LDB2: variants seen among roughly 807,000 people sequenced by gnomAD.
LDB2 encodes LIM domain-binding protein 2.
In LDB2, 12 loss-of-function variants were observed where a neutral mutation model predicts 44.3. The ratio of observed to expected loss-of-function variants is 0.27; its 90% CI spans 0.17 to 0.44. The LOEUF (loss-of-function observed/expected upper bound fraction) is 0.44. Among genes scored for constraint, LDB2 ranks in the 20% least tolerant of loss-of-function variants. The pLI is 1.00. For missense variants in LDB2, 344 were observed against 473.5 expected, an observed-to-expected ratio of 0.73 and a Z score of 2.54; for synonymous variants, 164 against 174.8, an observed-to-expected ratio of 0.94 and a Z score of 0.49.
At chr4:16,608,921 T>A (rs1724761536) in intron 2 of LDB2, among the ~76,000 whole-genome samples, 1 of 152,194 alleles carries the variant, frequency 6.6e-6, no homozygotes, top group African/African-American at 2.4e-5. Context: ...TCTTCTGTCA[T>A]TATTAAAAAC....
At chr4:16,505,610 TC>T (rs1393384359) in intron 7 of LDB2, among the ~76,000 whole-genome samples, 2 of 151,256 alleles carry the variant, frequency 1.3e-5, no homozygotes, top group Non-Finnish European at 1.5e-5. Flanking sequence ...TAGCAACATT[TC>T]CCCCCCATTT....
chr4:16,587,370 A>G (rs1287202401), intron 4 of LDB2, among the ~76,000 whole-genome samples: 2 of 152,212 alleles, frequency 1.3e-5, no homozygotes, highest in African/African-American at 4.8e-5. Context: ...AAGCACAGAG[A>G]TGTCACATCA....
At chr4:16,624,774 G>A (rs1367553422) in intron 2 of LDB2, among the ~76,000 whole-genome samples, 1 of 152,130 alleles carries the variant, frequency 6.6e-6, no homozygotes, top group Non-Finnish European at 1.5e-5. Context: ...TTATAAATGA[G>A]CAATGAAAGT....
intron 2 of LDB2, among the ~76,000 whole-genome samples, chr4:16,755,529 G>GTGTGT (rs1766419472): frequency 1.2e-4 from 3 of 24,026 alleles, no homozygotes; most frequent in African/African-American, 3.4e-4. Context: ...GTGTGTATGT[G>GTGTGT]AGAGAGAGAG....
chr4:16,793,030 T>C (rs1776076270), intron 1 of LDB2, among the ~76,000 whole-genome samples: 1 of 152,098 alleles, frequency 6.6e-6, no homozygotes, highest in South Asian at 2.1e-4. Flanking sequence ...GGTTGGAGTA[T>C]ATTGTACAGG....
intron 1 of LDB2, among the ~76,000 whole-genome samples, chr4:16,866,044 T>C (rs1430129230): frequency 6.6e-6 from 1 of 152,196 alleles, no homozygotes; most frequent in Non-Finnish European, 1.5e-5. Flanking sequence ...AGGCCTTATC[T>C]CCGCATGGAA....
intron 1 of LDB2, among the ~76,000 whole-genome samples, chr4:16,780,938 T>C (rs996242113): frequency 1.3e-5 from 2 of 152,212 alleles, no homozygotes; most frequent in Non-Finnish European, 2.9e-5. Context: ...CTCCGGGCTG[T>C]TGGATTCTCA....
In LDB2 at chr4:16,814,091, C is replaced by T. The variant is rs1780451327; in HGVS notation, c.133-54831G>A. Among the ~76,000 whole-genome samples the T allele has an allele frequency of 2.0e-5, 3 of 152,196 alleles. No homozygotes were observed. In the South Asian group the frequency reaches 6.2e-4, roughly 32 times the overall value. On this transcript the variant is annotated intron_variant, in intron 1 of 7. Transcript: ENST00000304523. ...TTTCACTTGTTAGCCAGGATGGTCT[C>T]GATCTCCTGACCTCGTGATCCGCCC... is the stretch of plus-strand genomic sequence containing the variant.
chr4:16,528,175 A>G lies in LDB2; in HGVS notation c.616-16071T>C, dbSNP rs1231861253. 2.6e-5 allele frequency among the ~76,000 whole-genome samples: 4 copies of G among 152,252 alleles called. No individual in the cohort carries two copies. The East Asian group carries it at 7.7e-4, about 29-fold the overall frequency. ...CTAAGCTATGAGGATGCAAAGGCAT[A>G]AGAATGATACAATGGACTTTGGGGA... On this transcript the variant is annotated intron_variant, in intron 5 of 7. Coordinates refer to ENST00000304523, the MANE Select transcript of LDB2 (RefSeq NM_001290.5).
intron 1 of LDB2, among the ~76,000 whole-genome samples, chr4:16,815,166 C>T (rs1780677392): frequency 6.6e-6 from 1 of 152,158 alleles, no homozygotes; most frequent in Non-Finnish European, 1.5e-5. Context: ...ATCAGGTTTG[C>T]CATTGGGAAG....
intron 2 of LDB2, among the ~76,000 whole-genome samples, chr4:16,747,259 A>C (rs1764578737): frequency 6.6e-6 from 1 of 152,166 alleles, no homozygotes; most frequent in South Asian, 2.1e-4. Flanking sequence ...TAACTCTCAT[A>C]ATTACTGATT....
At chr4:16,720,222 G>A (rs1757961501) in intron 2 of LDB2, among the ~76,000 whole-genome samples, 1 of 151,346 alleles carries the variant, frequency 6.6e-6, no homozygotes, top group South Asian at 2.1e-4. Context: ...CTAATCAGTT[G>A]ACTTTAAGAA....
At chr4:16,792,338 A>G (rs1466382803) in intron 1 of LDB2, among the ~76,000 whole-genome samples, 2 of 152,156 alleles carry the variant, frequency 1.3e-5, no homozygotes, top group Non-Finnish European at 2.9e-5. Flanking sequence ...CAAATATTCA[A>G]TCCTCATGAC....
chr4:16,669,053 T>C (rs1578632114), intron 2 of LDB2, among the ~76,000 whole-genome samples: 1 of 152,230 alleles, frequency 6.6e-6, no homozygotes, highest in African/African-American at 2.4e-5. Context: ...GCTTAGGTGG[T>C]GCTCAGAGGA....
intron 2 of LDB2, among the ~76,000 whole-genome samples, chr4:16,701,615 C>T (rs1377079056): frequency 6.6e-6 from 1 of 152,126 alleles, no homozygotes; most frequent in Non-Finnish European, 1.5e-5. Context: ...AGTTAAGTAA[C>T]CTTTGGAAAG....
intron 1 of LDB2, among the ~76,000 whole-genome samples, chr4:16,809,889 A>G (rs1159567126): frequency 6.6e-6 from 1 of 152,222 alleles, no homozygotes; most frequent in Non-Finnish European, 1.5e-5. Context: ...TAAGAAATCT[A>G]CAGGCTTTAA....
At chr4:16,660,392 G>T (rs144520716) in intron 2 of LDB2, among the ~76,000 whole-genome samples, 1 of 152,140 alleles carries the variant, frequency 6.6e-6, no homozygotes, top group Non-Finnish European at 1.5e-5. Context: ...AAAGAGGATG[G>T]TGATACCTGC....
At position 16,588,869 on chromosome 4, in the gene LDB2, C is replaced by T. The variant is rs771934255; in HGVS notation, c.409-37G>A. On this transcript the variant is annotated intron_variant, in intron 3 of 7. Coordinates refer to ENST00000304523, the MANE Select transcript of LDB2 (RefSeq NM_001290.5). ...AAACCACACAGTCATTCATTACGCA[C>T]TTTGTGAAAGCCACATTTTGTAACT... is the stretch of plus-strand genomic sequence containing the variant. 1.6e-5 allele frequency: 26 copies of T among 1,605,758 alleles called. No homozygotes were observed. In the African/African-American group the frequency reaches 3.5e-4, roughly 21 times the overall value.
intron 5 of LDB2, among the ~76,000 whole-genome samples, chr4:16,550,764 T>C (rs1737378354): frequency 6.6e-6 from 1 of 152,242 alleles, no homozygotes; most frequent in African/African-American, 2.4e-5. Flanking sequence ...TCTGTGCCTT[T>C]GAGGAATTTG....
Sources: allele counts gnomAD v4.1 joint callset (sites outside exome capture counted in the v4.1 genomes callset), GRCh38; gene constraint gnomAD v4.1.1; transcripts MANE v1.5; gene names NCBI Gene and HGNC (gene_info 2026-07-23, HGNC 2026-07-21).